ZNF516: variants seen among roughly 807,000 people sequenced by gnomAD.
ZNF516 encodes zinc finger protein 516.
Under a neutral mutation model 79.7 loss-of-function variants are expected in ZNF516, and 19 were observed. The ratio of observed to expected loss-of-function variants is 0.24; its 90% CI spans 0.17 to 0.35. The LOEUF (loss-of-function observed/expected upper bound fraction) is 0.35, where lower values mean the gene tolerates loss of function less well. ZNF516 is among the 10% of genes least tolerant of loss of function. The pLI is 1.00. For synonymous variants in ZNF516, 877 were observed against 739.5 expected, an observed-to-expected ratio of 1.19 and a Z score of -3.02; for missense variants, 1,678 against 1,679.5, an observed-to-expected ratio of 1.00 and a Z score of 0.02.
At chr18:76,492,490 G>A in intron 1 of ZNF516, 2 of 516,260 alleles carry the variant, frequency 3.9e-6, no homozygotes, top group Non-Finnish European at 5.0e-6. Flanking sequence ...GAATTTGCCA[G>A]GGACTAGGCA....
chr18:76,385,148 T>C (rs2074966779), intron 3 of ZNF516, among the ~76,000 whole-genome samples: 1 of 152,238 alleles, frequency 6.6e-6, no homozygotes, highest in African/African-American at 2.4e-5. Context: ...ACGGTGACTA[T>C]GGCTGCTCTG....
At chr18:76,450,832 C>G (rs1912364162) in intron 2 of ZNF516, among the ~76,000 whole-genome samples, 1 of 152,172 alleles carries the variant, frequency 6.6e-6, no homozygotes, top group African/African-American at 2.4e-5. Context: ...TCTGAATCGA[C>G]AGGAAATCTT....
intron 3 of ZNF516, among the ~76,000 whole-genome samples, chr18:76,416,844 T>A (rs185460203): frequency 1.3e-5 from 2 of 152,312 alleles, no homozygotes; most frequent in Admixed American, 1.3e-4. Flanking sequence ...ATATCCTTCT[T>A]TCATTTCTCC....
rs1002721734 is a variant in ZNF516, at chr18:76,492,978, ACG to A, written c.-272+2164_-272+2165del. ...CAGACACATGGGCTCATGCACGCGC[ACG>A]CGCGCGCTCACACACACACCCCAAA... On this transcript the variant is annotated intron_variant, in intron 1 of 6. Coordinates refer to ENST00000443185, the MANE Select transcript of ZNF516 (RefSeq NM_014643.4). The A allele has an allele frequency of 3.0e-6, 3 of 985,476 alleles. No homozygotes were observed. The African/African-American group carries it at 5.2e-5, about 17-fold the overall frequency. 61.0% of individuals were successfully genotyped at this position (985,476 alleles called of 1,614,324 possible).
chr18:76,390,589 C>A (rs1321479333), intron 3 of ZNF516, among the ~76,000 whole-genome samples: 2 of 152,208 alleles, frequency 1.3e-5, no homozygotes, highest in Non-Finnish European at 2.9e-5. Context: ...GGCCAAGCAG[C>A]CCAGCTGCCA....
chr18:76,410,551 C>T (rs1010518235), intron 3 of ZNF516, among the ~76,000 whole-genome samples: 2 of 152,182 alleles, frequency 1.3e-5, no homozygotes, highest in South Asian at 4.1e-4. Context: ...GGTACCGAGA[C>T]GCTTTTCTAA....
intron 1 of ZNF516, among the ~76,000 whole-genome samples, chr18:76,481,498 C>G (rs545391947): frequency 2.4e-4 from 36 of 152,276 alleles, no homozygotes; most frequent in African/African-American, 7.9e-4. Flanking sequence ...CACAGGGTAA[C>G]AAGCATGACC....
At chr18:76,484,425 C>T (rs916963282) in intron 1 of ZNF516, among the ~76,000 whole-genome samples, 3 of 152,168 alleles carry the variant, frequency 2.0e-5, no homozygotes. Flanking sequence ...AAATGCTTTC[C>T]TTCACGGTCA....
In ZNF516 at chr18:76,442,659, C is replaced by T. The variant is rs774972649; in HGVS notation, c.396G>A (p.Ser132=). 2 of 1,585,356 alleles carry T rather than the reference C, an allele frequency of 1.3e-6. No homozygotes were observed. Among genetic ancestry groups the T allele is most frequent in the African/African-American group, 1.3e-5 (1 of 74,342 alleles). ...SACNRLLNGA[S]QADGARVLNG... is the part of the protein sequence containing the mutation. Reference sequence around the variant, plus strand: ...TCAGGACCCTGGCGCCGTCGGCCTGCGAGGCCCCGTTCAGCAGCCGGTTGC... The same window carrying T: ...TCAGGACCCTGGCGCCGTCGGCCTGTGAGGCCCCGTTCAGCAGCCGGTTGC... The change falls in exon 3 of 7, where the codon TCG becomes TCA. Residue 132 remains serine, a synonymous_variant. Transcript: ENST00000443185.
At chr18:76,395,364 G>A (rs112669614) in intron 3 of ZNF516, among the ~76,000 whole-genome samples, 2,351 of 152,314 alleles carry the variant, frequency 0.015, 30 homozygotes, top group Middle Eastern at 0.041. Context: ...GCTCCTGGGA[G>A]AGAGACCATC....
rs7226501 is a variant in ZNF516 at position 76,451,018 on chromosome 18, A to G, written c.-157-7807T>C. On this transcript the variant is annotated intron_variant, in intron 2 of 6. Coordinates refer to ENST00000443185, the MANE Select transcript of ZNF516 (RefSeq NM_014643.4). This position sits in a 1 kb window ranked among gnomAD's most constrained non-coding sequence, Gnocchi z 6.0. ...TCATTTCCTCAACAATCGAACGCTT[A>G]AAGTTGCGGAAACCAAGCAAAGCTG... 5.9e-5 allele frequency among the ~76,000 whole-genome samples: 9 copies of G among 152,226 alleles called. No individual in the cohort carries two copies. Among genetic ancestry groups the G allele is most frequent in the African/African-American group, 1.9e-4 (8 of 41,460 alleles).
chr18:76,405,731 G>A (rs1009176618), intron 3 of ZNF516, among the ~76,000 whole-genome samples: 2 of 151,960 alleles, frequency 1.3e-5, no homozygotes, highest in South Asian at 2.1e-4. Flanking sequence ...TGGTGACTCC[G>A]CTGACACACG....
intron 1 of ZNF516, among the ~76,000 whole-genome samples, chr18:76,491,891 G>C (rs1915248113): frequency 6.6e-6 from 1 of 152,214 alleles, no homozygotes; most frequent in South Asian, 2.1e-4. Context: ...AGATTGGGGA[G>C]GGGCAGAATT....
At chr18:76,395,825 C>T (rs1226777199) in intron 3 of ZNF516, among the ~76,000 whole-genome samples, 3 of 152,182 alleles carry the variant, frequency 2.0e-5, no homozygotes, top group Non-Finnish European at 4.4e-5. Context: ...TGCAGCCGGC[C>T]GTGAGGGTGG....
chr18:76,371,818 A>G (rs1568233093), intron 4 of ZNF516, among the ~76,000 whole-genome samples: 1 of 152,236 alleles, frequency 6.6e-6, no homozygotes, highest in Non-Finnish European at 1.5e-5. Flanking sequence ...TCCCTGGGAC[A>G]GGAGGTGCCC....
chr18:76,371,386 G>T, intron 5 of ZNF516, 81 bp downstream of exon 5: 1 of 1,359,856 alleles, frequency 7.4e-7, no homozygotes, highest in Non-Finnish European at 1.0e-6. Context: ...TATCTCCCTC[G>T]CTGCGGATGG....
At chr18:76,423,808 G>A (rs140990016) in intron 3 of ZNF516, among the ~76,000 whole-genome samples, 1,979 of 133,332 alleles carry the variant, frequency 0.015, 15 homozygotes, top group African/African-American at 0.033. Context: ...TGAAACACAC[G>A]CAGGTGAAAA....
chr18:76,491,109 G>A lies in ZNF516; in HGVS notation c.-272+4035C>T, dbSNP rs914271512. 69 of 982,738 alleles carry A rather than the reference G, an allele frequency of 7.0e-5. No homozygotes were observed. The African/African-American group carries it at 1.0e-3, about 14-fold the overall frequency. 60.9% of individuals were successfully genotyped at this position (982,738 alleles called of 1,614,324 possible). On this transcript the variant is annotated intron_variant, in intron 1 of 6. Coordinates refer to ENST00000443185, the MANE Select transcript of ZNF516 (RefSeq NM_014643.4). ...TCCTCGGGGCCACGCCTTTCCCACC[G>A]CCCCACCTCCGCCAGAACAAAGTGA...
chr18:76,482,349 C>A (rs946466851), intron 1 of ZNF516, among the ~76,000 whole-genome samples: 31 of 152,190 alleles, frequency 2.0e-4, no homozygotes, highest in Admixed American at 5.9e-4. Flanking sequence ...TGTAGATGGT[C>A]CCCAACTTAG....
Sources: gnomAD v4.1 joint callset for allele counts (sites outside exome capture counted in the v4.1 genomes callset) on GRCh38, gnomAD v4.1.1 for gene constraint, Gnocchi (gnomAD v3.1) non-coding constraint, MANE v1.5 for transcripts, NCBI Gene and HGNC (gene_info 2026-07-23, HGNC 2026-07-21) for gene names.